The following POC5 variants were observed in gnomAD, a reference collection of about 807,000 sequenced individuals.
POC5 encodes POC5 centriolar protein, also known as centrosomal protein POC5.
POC5 carries 48 observed loss-of-function variants against 62.9 expected under a neutral mutation model. That is an observed-to-expected ratio of 0.76 (90% confidence interval 0.61 to 0.97). POC5 has a LOEUF of 0.97. Among genes scored for constraint, POC5 ranks in the 50% least tolerant of loss-of-function variants. POC5 has a pLI of 0.00. For synonymous variants in POC5, 236 were observed against 228.2 expected, an observed-to-expected ratio of 1.03 and a Z score of -0.31; for missense variants, 696 against 679.5, an observed-to-expected ratio of 1.02 and a Z score of -0.27.
intron 6 of POC5, among the ~76,000 whole-genome samples, chr5:75,692,912 T>C (rs887729639): frequency 8.6e-5 from 13 of 151,628 alleles, no homozygotes; most frequent in African/African-American, 3.1e-4. Context: ...TACTACTATC[T>C]TGGATATAGA....
chr5:75,686,901 C>T (rs1025768371), intron 9 of POC5, among the ~76,000 whole-genome samples: 1 of 152,074 alleles, frequency 6.6e-6, no homozygotes, highest in African/African-American at 2.4e-5. Flanking sequence ...ATTTAAGATA[C>T]TGCACAACAT....
At chr5:75,690,260 G>T (rs939455080) in intron 8 of POC5, 123 bp downstream of exon 8, 3 of 880,198 alleles carry the variant, frequency 3.4e-6, no homozygotes, top group Admixed American at 3.1e-5. Flanking sequence ...AAGAATAAAC[G>T]TTTTCATTTT....
At chr5:75,684,350 C>T (rs1775998969) in intron 10 of POC5, among the ~76,000 whole-genome samples, 1 of 150,820 alleles carries the variant, frequency 6.6e-6, no homozygotes, top group African/African-American at 2.5e-5. Flanking sequence ...ATTAAATCTA[C>T]TTTTCCTACA....
chr5:75,682,829 A>T (rs1366665826), intron 10 of POC5, among the ~76,000 whole-genome samples: 1 of 152,086 alleles, frequency 6.6e-6, no homozygotes, highest in Non-Finnish European at 1.5e-5. Context: ...TCTTATTTCT[A>T]AGTCACAGCT....
chr5:75,689,312 A>C (rs1776222617), intron 8 of POC5, 147 bp from the exon 9 acceptor site: 10 of 1,314,930 alleles, frequency 7.6e-6, no homozygotes. Flanking sequence ...AATTTATTTT[A>C]AAAGGTACCT....
rs747392626 is a variant in POC5 at position 75,685,453 on chromosome 5, C to A, written c.1161G>T (p.Glu387Asp). 2 of 1,612,252 alleles carry A rather than the reference C, an allele frequency of 1.2e-6. No individual in the cohort carries two copies. The highest frequency in any genetic ancestry group is 8.5e-7 in the Non-Finnish European group (1 of 1,178,454). Residue 387 changes from glutamate (E) to aspartate (D), a missense_variant, in exon 10 of 12, where the codon GAG (glutamate) becomes GAT (aspartate). By Grantham distance (45) the Glu-to-Asp change is conservative. Coordinates refer to ENST00000428202, the MANE Select transcript of POC5 (RefSeq NM_001099271.2). The stretch of plus-strand genomic sequence containing the variant: ...CTTTTCCTTGAACACCAGGACCATA[C>A]TCTTCCTTTTTATTATTTGTGGAGT... ...GIDSTNNKKE[E>D]YGPGVQGKEH... is the part of the protein sequence containing the mutation.
chr5:75,705,650 A>G (rs1777084569), intron 4 of POC5, 54 bp downstream of exon 4: 2 of 1,156,864 alleles, frequency 1.7e-6, no homozygotes, highest in African/African-American at 1.6e-5. Context: ...GATAATATTC[A>G]TCAAACCACA....
chr5:75,713,734 G>A (rs892646803), intron 1 of POC5, among the ~76,000 whole-genome samples: 18 of 152,218 alleles, frequency 1.2e-4, no homozygotes, highest in African/African-American at 4.3e-4. Flanking sequence ...AAAGTTTTTA[G>A]AGAAGATGAC....
intron 7 of POC5, among the ~76,000 whole-genome samples, chr5:75,690,954 G>A (rs1776308161): frequency 6.6e-6 from 1 of 152,200 alleles, no homozygotes; most frequent in Non-Finnish European, 1.5e-5. Context: ...AATGGTGGTG[G>A]CTGTGGCTTC....
At chr5:75,677,318 G>A (rs1205023653) in intron 11 of POC5, among the ~76,000 whole-genome samples, 2 of 152,140 alleles carry the variant, frequency 1.3e-5, no homozygotes, top group Non-Finnish European at 2.9e-5. Flanking sequence ...GCTGACAATT[G>A]TACTGAAAAA....
chr5:75,676,376 A>G (rs1280808174), intron 11 of POC5, among the ~76,000 whole-genome samples: 1 of 152,202 alleles, frequency 6.6e-6, no homozygotes, highest in East Asian at 1.9e-4. Context: ...CTTATGAAAC[A>G]TGAAACCTAA....
Position 75,702,617 on chromosome 5 carries a change from A to G in POC5, c.501T>C (p.Ser167=). The change falls in exon 5 of 12, where the codon AGT becomes AGC. Residue 167 remains serine, a synonymous_variant. Coordinates refer to ENST00000428202, the MANE Select transcript of POC5 (RefSeq NM_001099271.2). ...TGCTGTACCGTACCTTAAGACCTGA[A>G]CTCCAAAGATCAAGCACATTTTCCA... ...QKMENVLDLW[S]SGLKTNIISE... 2 of 1,613,084 alleles carry G rather than the reference A, an allele frequency of 1.2e-6. No individual in the cohort carries two copies. The highest frequency in any genetic ancestry group is 2.7e-5 in the African/African-American group (2 of 75,066).
intron 5 of POC5, among the ~76,000 whole-genome samples, chr5:75,695,351 C>A (rs1267580750): frequency 6.6e-6 from 1 of 151,934 alleles, no homozygotes; most frequent in Non-Finnish European, 1.5e-5. Context: ...AATAAAAAGA[C>A]CAAATAATAA....
intron 6 of POC5, 150 bp downstream of exon 6, chr5:75,694,505 T>C (rs1776475716): frequency 1.6e-6 from 1 of 612,740 alleles, no homozygotes; most frequent in South Asian, 2.9e-5. Flanking sequence ...ATATGTTTAA[T>C]AGGAAGAATA....
In POC5 at chr5:75,677,892, C is replaced by T. The variant is rs751771115; in HGVS notation, c.1466G>A (p.Arg489Gln). The T allele has an allele frequency of 4.7e-5, 75 of 1,610,990 alleles. No homozygotes were observed. Among genetic ancestry groups the T allele is most frequent in the African/African-American group, 1.2e-4 (9 of 74,654 alleles). Residue 489 changes from arginine (R) to glutamine (Q), a missense_variant, in exon 11 of 12, where the codon CGG (arginine) becomes CAG (glutamine). Transcript: ENST00000428202. ...AGCAAAATCACATCTTCCTGTGATC[C>T]GGGCTGTAATAGTTCTTCCTGCTTT... ...QQKAGRTITA[R>Q]ITGRCDFASK...
chr5:75,691,232 T>G lies in POC5; in HGVS notation c.796-670A>C, dbSNP rs1002044624. Among the ~76,000 whole-genome samples the G allele has an allele frequency of 1.3e-4, 20 of 152,208 alleles. 1 individual carries two copies. Among genetic ancestry groups the G allele is most frequent in the African/African-American group, 4.6e-4 (19 of 41,460 alleles). Reference sequence around the variant, plus strand: ...TTATTTCACTTGACAAGTTTCAAAGTAGAGTATAAATATTCATTTTAACCA... The same window carrying G: ...TTATTTCACTTGACAAGTTTCAAAGGAGAGTATAAATATTCATTTTAACCA... On this transcript the variant is annotated intron_variant, in intron 7 of 11. Coordinates refer to ENST00000428202, the MANE Select transcript of POC5 (RefSeq NM_001099271.2).
rs373962123 is a variant in POC5 at position 75,679,322 on chromosome 5, T to C, written c.1408-1372A>G. Among the ~76,000 whole-genome samples, 14 of 152,264 alleles carry C rather than the reference T, an allele frequency of 9.2e-5. No homozygotes were observed. In the South Asian group the frequency reaches 2.9e-3, roughly 32 times the overall value. On this transcript the variant is annotated intron_variant, in intron 10 of 11. Coordinates refer to ENST00000428202, the MANE Select transcript of POC5 (RefSeq NM_001099271.2). The stretch of plus-strand genomic sequence containing the variant: ...AGTGTGAAGTATTAATCTAAATTCA[T>C]TTTTTCTCTAAACAGTTTTTCCAAA...
At position 75,712,954 on chromosome 5, in the gene POC5, A is replaced by C; in HGVS notation, c.-14-3T>G. On this transcript the variant is annotated splice_region_variant and splice_polypyrimidine_tract_variant and intron_variant, in intron 1 of 11. Coordinates refer to ENST00000428202, the MANE Select transcript of POC5 (RefSeq NM_001099271.2). ...TGATGACATTCTGCACAAATGCTCT[A>C]AAACAGTAGAAGCTAACTTTAGCTT... is the stretch of plus-strand genomic sequence containing the variant. 6.3e-7 allele frequency: 1 copy of C among 1,587,154 alleles called. No homozygotes were observed. The highest frequency in any genetic ancestry group is 8.6e-7 in the Non-Finnish European group (1 of 1,164,550).
intron 1 of POC5, among the ~76,000 whole-genome samples, chr5:75,713,453 C>T (rs1172405855): frequency 6.6e-6 from 1 of 152,048 alleles, no homozygotes; most frequent in East Asian, 1.9e-4. Flanking sequence ...AACAAGTAAC[C>T]GAATTATTCA....
Sources: gnomAD v4.1 joint callset for allele counts (sites outside exome capture counted in the v4.1 genomes callset) on GRCh38, gnomAD v4.1.1 for gene constraint, MANE v1.5 for transcripts, NCBI Gene and HGNC (gene_info 2026-07-23, HGNC 2026-07-21) for gene names.